TCF20: variants seen among roughly 807,000 people sequenced by gnomAD.
TCF20 encodes SPRE-binding protein.
TCF20 carries 3 observed loss-of-function variants against 148.6 expected under a neutral mutation model. The observed-to-expected ratio is 0.02, with a 90% CI of 0.01 to 0.05. TCF20 has a LOEUF of 0.05. TCF20 is among the 10% of genes least tolerant of loss of function. The pLI, the probability that TCF20 is intolerant of heterozygous loss-of-function variation, is 1.00. For missense variants in TCF20, 2,350 were observed against 2,429.3 expected, an observed-to-expected ratio of 0.97 and a Z score of 0.69; for synonymous variants, 1,049 against 909.5, an observed-to-expected ratio of 1.15 and a Z score of -2.76.
intron 2 of TCF20, among the ~76,000 whole-genome samples, chr22:42,206,469 AG>A (rs1259666563): frequency 6.6e-6 from 1 of 151,556 alleles, no homozygotes; most frequent in Non-Finnish European, 1.5e-5. Flanking sequence ...TTGGGAAGCA[AG>A]AACTCAACTT....
chr22:42,194,583 T>C (rs1569126681), intron 2 of TCF20, among the ~76,000 whole-genome samples: 1 of 145,388 alleles, frequency 6.9e-6, no homozygotes, highest in African/African-American at 2.6e-5. Context: ...ACTCTGCTTC[T>C]GCCTGGGAGA....
Position 42,214,817 on chromosome 22 carries a change from C to A in TCF20, c.489G>T (p.Gly163=). ...AAGCCTGCTGTTGGTACTGAGCACT[C>A]CCTGGAGAGAAAGGCCCAGTGTAAT... The part of the protein sequence containing the change: ...QQDYTGPFSP[G]SAQYQQQASS... The change falls in exon 2 of 6, where the codon GGG becomes GGT. Residue 163 remains glycine, a synonymous_variant. Transcript: ENST00000677622. 7 of 1,614,094 alleles carry A rather than the reference C, an allele frequency of 4.3e-6. No individual in the cohort carries two copies. Among genetic ancestry groups the A allele is most frequent in the Non-Finnish European group, 5.9e-6 (7 of 1,180,038 alleles).
intron 1 of TCF20, among the ~76,000 whole-genome samples, chr22:42,223,428 CTT>C (rs1922565446): frequency 6.6e-6 from 1 of 152,190 alleles, no homozygotes; most frequent in African/African-American, 2.4e-5. Flanking sequence ...CTGACACACA[CTT>C]GGGTCAGATC....
At chr22:42,173,598 A>G (rs1266821438) in intron 3 of TCF20, among the ~76,000 whole-genome samples, 1 of 152,244 alleles carries the variant, frequency 6.6e-6, no homozygotes, top group Non-Finnish European at 1.5e-5. Flanking sequence ...GATTAGAAAG[A>G]AAAGTCCATC....
At chr22:42,243,794 C>T (rs770508602) in intron 1 of TCF20, among the ~76,000 whole-genome samples, 3 of 152,114 alleles carry the variant, frequency 2.0e-5, no homozygotes, top group Admixed American at 2.0e-4. Flanking sequence ...TAAAACTGCT[C>T]TAAGCAATAA....
chr22:42,188,695 CTTTGATA>C (rs1218720350), intron 2 of TCF20, among the ~76,000 whole-genome samples: 4 of 152,130 alleles, frequency 2.6e-5, no homozygotes, highest in Admixed American at 6.5e-5. Context: ...GGGCTCTTTT[CTTTGATA>C]TTTAAGTTCC....
intron 2 of TCF20, among the ~76,000 whole-genome samples, chr22:42,208,883 C>T (rs1043351067): frequency 1.3e-5 from 2 of 152,190 alleles, no homozygotes; most frequent in African/African-American, 4.8e-5. Context: ...GAGTAGCCAA[C>T]ACAACCATGA....
intron 1 of TCF20, among the ~76,000 whole-genome samples, chr22:42,229,480 G>A (rs1353379700): frequency 6.6e-6 from 1 of 152,028 alleles, no homozygotes; most frequent in Non-Finnish European, 1.5e-5. Context: ...TACTAGACCT[G>A]GGAAAATAAC....
At chr22:42,324,832 T>G (rs1226933018) in intron 1 of TCF20, among the ~76,000 whole-genome samples, 1 of 151,966 alleles carries the variant, frequency 6.6e-6, no homozygotes, top group Non-Finnish European at 1.5e-5. Flanking sequence ...GCCTGGGGAG[T>G]CTTATTATCT....
At chr22:42,174,831 C>A (rs145328893) in intron 3 of TCF20, among the ~76,000 whole-genome samples, 7 of 151,832 alleles carry the variant, frequency 4.6e-5, no homozygotes, top group Non-Finnish European at 1.0e-4. Flanking sequence ...GTCAGGAGAT[C>A]GAGACCATCC....
intron 1 of TCF20, among the ~76,000 whole-genome samples, chr22:42,266,566 T>C (rs1460187791): frequency 3.3e-5 from 5 of 151,378 alleles, no homozygotes; most frequent in Non-Finnish European, 5.9e-5. Context: ...TCACCTGAGA[T>C]CAGGAGTTCG....
In TCF20 at chr22:42,324,115, G is replaced by GTGGTGA. The variant is rs1569209895; in HGVS notation, c.-37+19363_-37+19364insTCACCA. On this transcript the variant is annotated intron_variant, in intron 1 of 1. Transcript: ENST00000515426. ...GATGGAGGTTATGGTGGTGGTGGTGGTGGTGGTTATGGTGGTGGTGGTGGT... is the reference window on the plus strand; with the variant it reads ...GATGGAGGTTATGGTGGTGGTGGTGGTGGTGATGGTGGTTATGGTGGTGGTGGTGGT... Among the ~76,000 whole-genome samples, 14 of 1,840 alleles carry GTGGTGA rather than the reference G, an allele frequency of 7.6e-3. 4 individuals are homozygous for GTGGTGA. The highest frequency in any genetic ancestry group is 9.3e-3 in the Admixed American group (1 of 108). The allele number at this position is 1,840 out of a possible 152,430, so 1.2% of individuals were successfully genotyped here. A position where few individuals can be genotyped will look rare whatever the true frequency, so the allele number is the denominator to read the frequency against.
rs1400304099 is a variant in TCF20, at chr22:42,259,274, T to TG, written c.-37+11064dup. Among the ~76,000 whole-genome samples the TG allele has an allele frequency of 7.9e-5, 12 of 152,278 alleles. 1 individual carries two copies. The South Asian group carries it at 2.3e-3, about 29-fold the overall frequency. On this transcript the variant is annotated intron_variant, in intron 1 of 5. Transcript: ENST00000677622. ...TGTTAGCAAGAATAACATAACTCCC[T>TG]GGGGGGTTCTGAAACTACAAAACCT...
At chr22:42,224,254 G>A (rs1358482013) in intron 1 of TCF20, among the ~76,000 whole-genome samples, 1 of 151,980 alleles carries the variant, frequency 6.6e-6, no homozygotes, top group Non-Finnish European at 1.5e-5. Flanking sequence ...GGCGGATAAC[G>A]AGGTCAGGAG....
chr22:42,335,910 T>C (rs983262711), intron 1 of TCF20, among the ~76,000 whole-genome samples: 7 of 152,234 alleles, frequency 4.6e-5, no homozygotes, highest in Admixed American at 3.3e-4. Flanking sequence ...CGAGGCCACC[T>C]GTGGTGGGCA....
At chr22:42,179,080 G>C (rs1293366034) in intron 3 of TCF20, among the ~76,000 whole-genome samples, 2 of 150,964 alleles carry the variant, frequency 1.3e-5, no homozygotes, top group African/African-American at 2.4e-5. Flanking sequence ...GCAAGTGTCA[G>C]GGAGGACCTG....
intron 1 of TCF20, among the ~76,000 whole-genome samples, chr22:42,266,365 C>T (rs134877): frequency 0.35 from 52,596 of 152,076 alleles, 10,812 homozygotes; most frequent in Non-Finnish European, 0.45. Context: ...ATACAAATGC[C>T]AGCATTTTTT....
intron 2 of TCF20, among the ~76,000 whole-genome samples, chr22:42,204,279 A>AAG (rs1417482656): frequency 6.6e-6 from 1 of 151,944 alleles, no homozygotes; most frequent in Non-Finnish European, 1.5e-5. Context: ...TGGATTCCTT[A>AAG]AGGTCAGGAG....
chr22:42,279,568 C>G lies in TCF20; in HGVS notation c.-37+4259G>C, dbSNP rs568258957. 1.1e-4 allele frequency among the ~76,000 whole-genome samples: 16 copies of G among 152,330 alleles called. No homozygotes were observed. In the South Asian group the frequency reaches 3.3e-3, roughly 32 times the overall value. The stretch of plus-strand genomic sequence containing the variant: ...AGCCTCAGCCTTTTCACCCGTAGAA[C>G]AGGGACATTAACATCACCCCCGAGT... On this transcript the variant is annotated intron_variant, in intron 1 of 5. Transcript: ENST00000359486. The surrounding 1 kb of genome is among the most constrained non-coding windows in gnomAD (Gnocchi z 4.3).
Sources: gnomAD v4.1 joint callset for allele counts (sites outside exome capture counted in the v4.1 genomes callset) on GRCh38, gnomAD v4.1.1 for gene constraint, Gnocchi (gnomAD v3.1) non-coding constraint, MANE v1.5 for transcripts, NCBI Gene and HGNC (gene_info 2026-07-23, HGNC 2026-07-21) for gene names.